The following EXOC2 variants were observed in gnomAD, a reference collection of about 807,000 sequenced individuals.
The protein encoded by EXOC2 is SEC5-like 1.
In EXOC2, 70 loss-of-function variants were observed where a neutral mutation model predicts 131.8. The ratio of observed to expected loss-of-function variants is 0.53; its 90% CI spans 0.44 to 0.65. The LOEUF is 0.65. Ranked by LOEUF, EXOC2 falls within the 30% of genes least tolerant of loss-of-function variation. The pLI, the probability that EXOC2 is intolerant of heterozygous loss-of-function variation, is 0.00. For missense variants in EXOC2, 923 were observed against 1,108.6 expected, an observed-to-expected ratio of 0.83 and a Z score of 2.38; for synonymous variants, 411 against 398.4, an observed-to-expected ratio of 1.03 and a Z score of -0.38.
chr6:549,835 A>G (rs1200040677), intron 21 of EXOC2, among the ~76,000 whole-genome samples: 1 of 152,224 alleles, frequency 6.6e-6, no homozygotes, highest in Non-Finnish European at 1.5e-5. Context: ...GAAGAAAACA[A>G]GGAATAATCT....
chr6:493,137 A>G (rs190654005), intron 25 of EXOC2, among the ~76,000 whole-genome samples: 6 of 152,230 alleles, frequency 3.9e-5, no homozygotes, highest in African/African-American at 1.4e-4. Flanking sequence ...AAACAATGAC[A>G]AAAGACACAG....
At chr6:656,096 C>G (rs376004190) in intron 1 of EXOC2, 2 of 1,568,898 alleles carry the variant, frequency 1.3e-6, no homozygotes, top group Admixed American at 1.7e-5. Context: ...AAAATCTAAG[C>G]TGGCTGAATT....
intron 4 of EXOC2, among the ~76,000 whole-genome samples, chr6:625,673 C>G (rs2294669): frequency 0.72 from 109,493 of 151,976 alleles, 39,752 homozygotes; most frequent in Middle Eastern, 0.83. Context: ...CAGTTTTCCT[C>G]TTTTAAAATA....
chr6:591,743 TG>T (rs1358814946), intron 11 of EXOC2, among the ~76,000 whole-genome samples: 1 of 152,202 alleles, frequency 6.6e-6, no homozygotes, highest in African/African-American at 2.4e-5. Context: ...CAACAGTGTC[TG>T]CAGCATAGCA....
chr6:563,178 T>G (rs1418940667), intron 16 of EXOC2, among the ~76,000 whole-genome samples: 2 of 152,258 alleles, frequency 1.3e-5, no homozygotes, highest in Non-Finnish European at 2.9e-5. Context: ...AAATAAGTCA[T>G]ACAGTATTTT....
intron 1 of EXOC2, among the ~76,000 whole-genome samples, chr6:644,637 C>T (rs1581617457): frequency 6.6e-6 from 1 of 151,754 alleles, no homozygotes; most frequent in Admixed American, 6.6e-5. Flanking sequence ...CACTAATAGC[C>T]GAATTTAGCA....
intron 23 of EXOC2, among the ~76,000 whole-genome samples, chr6:514,926 T>C (rs1190655178): frequency 6.6e-6 from 1 of 152,212 alleles, no homozygotes; most frequent in East Asian, 1.9e-4. Context: ...CAGAAGCCAA[T>C]GACCAGATCG....
intron 1 of EXOC2, among the ~76,000 whole-genome samples, chr6:688,813 ACAT>A (rs1335558621): frequency 2.6e-5 from 4 of 152,198 alleles, no homozygotes; most frequent in African/African-American, 9.7e-5. Context: ...GCTGAGACAT[ACAT>A]CATTATCATT....
chr6:515,029 T>C (rs1765065721), intron 23 of EXOC2, among the ~76,000 whole-genome samples: 1 of 152,244 alleles, frequency 6.6e-6, no homozygotes, highest in South Asian at 2.1e-4. Flanking sequence ...CTAGCCATAA[T>C]AAAGGCATTT....
chr6:611,887 G>C (rs1469031410), intron 6 of EXOC2, among the ~76,000 whole-genome samples: 1 of 152,070 alleles, frequency 6.6e-6, no homozygotes, highest in Non-Finnish European at 1.5e-5. Context: ...GAAAAATCAA[G>C]GTTATAGAAA....
At chr6:618,539 C>A (rs949859184) in intron 5 of EXOC2, among the ~76,000 whole-genome samples, 4 of 152,228 alleles carry the variant, frequency 2.6e-5, no homozygotes, top group African/African-American at 9.6e-5. Flanking sequence ...AATAGAAATT[C>A]TACATCTGTA....
chr6:592,804 T>C (rs1759614325), intron 10 of EXOC2, among the ~76,000 whole-genome samples: 1 of 152,082 alleles, frequency 6.6e-6, no homozygotes, highest in East Asian at 1.9e-4. Context: ...GGTGGATGGA[T>C]CACCTGAGGT....
chr6:597,956 T>G, intron 10 of EXOC2, 65 bp downstream of exon 10: 1 of 1,192,594 alleles, frequency 8.4e-7, no homozygotes. Flanking sequence ...GCCTTAAGGG[T>G]TACAAGATGC....
chr6:557,978 G>A lies in EXOC2; in HGVS notation c.1852-1414C>T, dbSNP rs543901415. ...AGCGTGTCAGAACCACCAAACATGA[G>A]CACAGGTCTTGAGAGATGGGGTAGG... is the stretch of plus-strand genomic sequence containing the variant. On this transcript the variant is annotated intron_variant, in intron 17 of 27. Transcript: ENST00000230449. 3.9e-5 allele frequency among the ~76,000 whole-genome samples: 6 copies of A among 152,208 alleles called. No individual in the cohort carries two copies. In the East Asian group the frequency reaches 1.2e-3, roughly 29 times the overall value.
chr6:515,309 G>T (rs566987428), intron 23 of EXOC2, among the ~76,000 whole-genome samples: 3 of 152,280 alleles, frequency 2.0e-5, no homozygotes, highest in African/African-American at 7.2e-5. Flanking sequence ...GGAAATGTGG[G>T]CATTGAAGGT....
At chr6:533,681 C>T (rs773330635) in intron 22 of EXOC2, among the ~76,000 whole-genome samples, 4 of 152,116 alleles carry the variant, frequency 2.6e-5, no homozygotes, top group Non-Finnish European at 4.4e-5. Context: ...GTCTCACCAG[C>T]AGGCAGGAGG....
chr6:684,123 C>A (rs193059185), intron 1 of EXOC2, among the ~76,000 whole-genome samples: 1 of 152,152 alleles, frequency 6.6e-6, no homozygotes, highest in South Asian at 2.1e-4. Context: ...CTCCCTCGCA[C>A]GCAACATCTA....
At chr6:573,414 C>T (rs1758397804) in intron 12 of EXOC2, among the ~76,000 whole-genome samples, 1 of 152,158 alleles carries the variant, frequency 6.6e-6, no homozygotes, top group Non-Finnish European at 1.5e-5. Context: ...TGCCTCCCGC[C>T]CCGCACTCCA....
chr6:574,252 G>C (rs1758452512), intron 12 of EXOC2, among the ~76,000 whole-genome samples: 1 of 152,192 alleles, frequency 6.6e-6, no homozygotes, highest in African/African-American at 2.4e-5. Flanking sequence ...AACAAGAATT[G>C]CTGGGACAAA....
Sources: allele counts gnomAD v4.1 joint callset (sites outside exome capture counted in the v4.1 genomes callset), GRCh38; gene constraint gnomAD v4.1.1; transcripts MANE v1.5; gene names NCBI Gene and HGNC (gene_info 2026-07-23, HGNC 2026-07-21).